BIRC6: variants seen among roughly 807,000 people sequenced by gnomAD.
BIRC6 encodes baculoviral IAP repeat containing 6, also known as dual E2 ubiquitin-conjugating enzyme/E3 ubiquitin-protein ligase BIRC6.
Under a neutral mutation model 503.3 loss-of-function variants are expected in BIRC6, and 98 were observed. The ratio of observed to expected loss-of-function variants is 0.19; its 90% CI spans 0.17 to 0.23. BIRC6 has a LOEUF of 0.23. Among genes scored for constraint, BIRC6 ranks in the 10% least tolerant of loss-of-function variants. The pLI is 1.00. For missense variants in BIRC6, 5,360 were observed against 5,806.0 expected, an observed-to-expected ratio of 0.92 and a Z score of 2.50; for synonymous variants, 2,240 against 2,078.7, an observed-to-expected ratio of 1.08 and a Z score of -2.11.
intron 61 of BIRC6, among the ~76,000 whole-genome samples, chr2:32,537,429 A>G (rs1428540528): frequency 6.6e-6 from 1 of 152,216 alleles, no homozygotes; most frequent in Non-Finnish European, 1.5e-5. Context: ...ACCACAGTGC[A>G]ATCAAACTAG....
intron 71 of BIRC6, among the ~76,000 whole-genome samples, chr2:32,603,736 C>T (rs952080205): frequency 6.6e-6 from 1 of 151,600 alleles, no homozygotes; most frequent in African/African-American, 2.4e-5. Context: ...AAATAAAAAT[C>T]AATAAATAAA....
At chr2:32,493,806 T>C (rs2052063350) in intron 45 of BIRC6, 139 bp downstream of exon 45, 3 of 643,862 alleles carry the variant, frequency 4.7e-6, no homozygotes, top group Non-Finnish European at 7.7e-6. Flanking sequence ...GGGAAGGATA[T>C]ATTGGTGTGT....
At position 32,429,197 on chromosome 2, in the gene BIRC6, A is replaced by C. The variant is rs2043841544; in HGVS notation, c.2924A>C (p.Glu975Ala). Residue 975 changes from glutamate to alanine, a missense_variant, in exon 11 of 74, where the codon GAA becomes GCA. This residue lies in a region of BIRC6 where 700 missense variants were observed against 739.3 expected (regional missense o/e 0.95). Transcript: ENST00000421745. ...GGAGGAACCTGTGATGATATTGATG[A>C]AGCTGATATACTAGTGGATGGATCT... is the stretch of plus-strand genomic sequence containing the variant. Reference protein sequence around the residue: ...QIGGTCDDIDEADILVDGSLS... With the variant: ...QIGGTCDDIDAADILVDGSLS... 6 of 1,586,476 alleles carry C rather than the reference A, an allele frequency of 3.8e-6. No homozygotes were observed. Among genetic ancestry groups the C allele is most frequent in the South Asian group, 1.2e-5 (1 of 86,794 alleles).
At chr2:32,608,056 T>A (rs1284897273) in intron 72 of BIRC6, among the ~76,000 whole-genome samples, 3 of 149,290 alleles carry the variant, frequency 2.0e-5, no homozygotes, top group African/African-American at 5.0e-5. Context: ...GTATCTAGTA[T>A]ATGAAACTGC....
intron 26 of BIRC6, among the ~76,000 whole-genome samples, chr2:32,467,249 A>G (rs1045414089): frequency 1.3e-5 from 2 of 152,114 alleles, no homozygotes; most frequent in African/African-American, 2.4e-5. Flanking sequence ...CTCCTGTCTC[A>G]GGTCCCCCAG....
chr2:32,370,514 G>A (rs1386731739), intron 1 of BIRC6, among the ~76,000 whole-genome samples: 1 of 152,102 alleles, frequency 6.6e-6, no homozygotes, highest in Non-Finnish European at 1.5e-5. Flanking sequence ...TCTTTGTGGT[G>A]CAGTCACTGA....
chr2:32,377,026 T>C (rs1465768804), intron 1 of BIRC6, among the ~76,000 whole-genome samples: 1 of 152,186 alleles, frequency 6.6e-6, no homozygotes, highest in Non-Finnish European at 1.5e-5. Context: ...TTTATGCTTA[T>C]TGAGTTTTGC....
At chr2:32,541,016 A>G (rs2057623088) in intron 61 of BIRC6, among the ~76,000 whole-genome samples, 1 of 152,054 alleles carries the variant, frequency 6.6e-6, no homozygotes, top group Admixed American at 6.6e-5. Flanking sequence ...AAAGAATTTG[A>G]ATGCTATAAA....
chr2:32,604,764 C>A (rs146057634), intron 71 of BIRC6, among the ~76,000 whole-genome samples: 446 of 152,250 alleles, frequency 2.9e-3, no homozygotes, highest in African/African-American at 0.011. Context: ...AGGGGTTCCA[C>A]TGCAGGTTTG....
At chr2:32,456,890 G>C (rs1378119660) in intron 23 of BIRC6, among the ~76,000 whole-genome samples, 1 of 152,022 alleles carries the variant, frequency 6.6e-6, no homozygotes, top group Non-Finnish European at 1.5e-5. Context: ...ATTTAGAATG[G>C]TTGTGTCTTT....
chr2:32,378,555 T>C (rs1455906046), intron 2 of BIRC6, among the ~76,000 whole-genome samples: 1 of 152,086 alleles, frequency 6.6e-6, no homozygotes, highest in East Asian at 1.9e-4. Flanking sequence ...TCTCCCGGGT[T>C]CAAGTGATTC....
intron 3 of BIRC6, 93 bp from the exon 4 acceptor site, chr2:32,388,657 A>G (rs2038823421): frequency 1.2e-6 from 1 of 858,308 alleles, no homozygotes. Context: ...CTTGAAACTG[A>G]TGAGTGTTCT....
Position 32,401,319 on chromosome 2 carries a change from T to G in BIRC6, c.1191T>G (p.Pro397=), listed in dbSNP as rs953542608. The G allele has an allele frequency of 6.2e-7, 1 of 1,614,038 alleles. No homozygotes were observed. Among genetic ancestry groups the G allele is most frequent in the Non-Finnish European group, 8.5e-7 (1 of 1,179,896 alleles). Residue 397 remains proline (P), a synonymous_variant, in exon 7 of 74, where the codon CCT becomes CCG. Transcript: ENST00000421745. ...CTTGCTTTGGGTCGGGGAGCTGCCC[T>G]CATTTTCTAGCTGCTGCAACTAAAC... ...RISCFGSGSC[P]HFLAAATKRG...
chr2:32,464,455 A>G, intron 24 of BIRC6, 54 bp from the exon 25 acceptor site: 1 of 1,478,886 alleles, frequency 6.8e-7, no homozygotes, highest in Non-Finnish European at 9.0e-7. Context: ...GTATTCTGCC[A>G]CAATTTAGGT....
chr2:32,464,349 C>T (rs2048306879), intron 24 of BIRC6, among the ~76,000 whole-genome samples, 160 bp from the exon 25 acceptor site: 1 of 152,190 alleles, frequency 6.6e-6, no homozygotes, highest in South Asian at 2.1e-4. Flanking sequence ...TATAGCAAAG[C>T]AATGATCCAT....
chr2:32,445,381 T>A, intron 20 of BIRC6, 140 bp from the exon 21 acceptor site: 1 of 818,724 alleles, frequency 1.2e-6, no homozygotes, highest in Non-Finnish European at 1.8e-6. Flanking sequence ...CTTTGTAAAT[T>A]GCCTATAAGA....
intron 72 of BIRC6, among the ~76,000 whole-genome samples, chr2:32,610,511 C>G (rs1456668702): frequency 6.6e-6 from 1 of 152,132 alleles, no homozygotes; most frequent in East Asian, 1.9e-4. Flanking sequence ...CTGGGGATTT[C>G]TGTGTGAATG....
chr2:32,401,261 A>G lies in BIRC6; in HGVS notation c.1133A>G (p.Gln378Arg), dbSNP rs1467455201. Reference sequence around the variant, plus strand: ...GTCACTCTTGCAACAAGTCCTGCACAGTTTCCTTGTACGGATGGAACTGAC... The same window carrying G: ...GTCACTCTTGCAACAAGTCCTGCACGGTTTCCTTGTACGGATGGAACTGAC... ...LSVTLATSPA[Q>R]FPCTDGTDRI... Residue 378 changes from glutamine (Q) to arginine (R), a missense_variant, in exon 7 of 74, where the codon CAG becomes CGG. Transcript: ENST00000421745. The G allele has an allele frequency of 6.2e-7, 1 of 1,614,058 alleles. No individual in the cohort carries two copies.
At position 32,551,663 on chromosome 2, in the gene BIRC6, A is replaced by G. The variant is rs35294092; in HGVS notation, c.13144+2182A>G. ...AGTAAAATTTCTATTTTGGAAAATTAGTCTAAAGTTTATTTTCCAATTTTT... is the reference window on the plus strand; with the variant it reads ...AGTAAAATTTCTATTTTGGAAAATTGGTCTAAAGTTTATTTTCCAATTTTT... On this transcript the variant is annotated intron_variant, in intron 65 of 73. Transcript: ENST00000421745. Among the ~76,000 whole-genome samples the G allele has an allele frequency of 7.6e-3, 1,164 of 152,300 alleles. 5 individuals carry two copies. Among genetic ancestry groups the G allele is most frequent in the Non-Finnish European group, 0.013 (851 of 68,022 alleles).
Sources: gnomAD v4.1 joint callset for allele counts (sites outside exome capture counted in the v4.1 genomes callset) on GRCh38, gnomAD v4.1.1 for gene constraint, gnomAD v4.1.1 regional missense constraint, MANE v1.5 for transcripts, NCBI Gene and HGNC (gene_info 2026-07-23, HGNC 2026-07-21) for gene names.